The following MAML2 variants were observed in gnomAD, a reference collection of about 807,000 sequenced individuals.
MAML2 encodes mastermind like transcriptional coactivator 2.
In MAML2, 22 loss-of-function variants were observed where a neutral mutation model predicts 96.1. The ratio of observed to expected loss-of-function variants is 0.23; its 90% CI spans 0.16 to 0.33. MAML2 has a LOEUF of 0.33. MAML2 is among the 10% of genes least tolerant of loss of function. The pLI is 1.00. For synonymous variants in MAML2, 561 were observed against 521.3 expected (o/e 1.08, Z -1.04); for missense variants, 1,367 against 1,392.4 (o/e 0.98, Z 0.29).
At chr11:95,981,536 TG>T (rs1169423495) in intron 4 of MAML2, among the ~76,000 whole-genome samples, 1 of 150,600 alleles carries the variant, frequency 6.6e-6, no homozygotes, top group Non-Finnish European at 1.5e-5. Flanking sequence ...GATACGTAGG[TG>T]GTATACATCC....
At chr11:96,298,221 A>G (rs561164703) in intron 1 of MAML2, among the ~76,000 whole-genome samples, 15 of 152,224 alleles carry the variant, frequency 9.9e-5, no homozygotes, top group Non-Finnish European at 2.1e-4. Context: ...GATATCTTCT[A>G]TTGCAAACAG....
Position 96,093,459 on chromosome 11 carries a change from C to A in MAML2, c.572G>T (p.Arg191Leu). 5 of 1,613,894 alleles carry A rather than the reference C, an allele frequency of 3.1e-6. No homozygotes were observed. The highest frequency in any genetic ancestry group is 4.2e-6 in the Non-Finnish European group (5 of 1,179,874). ...TGAGTTGTCCACAAAGCCATTGGGT[C>A]GCTTGCTGTTGGCAGGAGATAGGTT... Reference protein sequence around the residue: ...VVNLSPANSKRPNGFVDNSFL... With the variant: ...VVNLSPANSKLPNGFVDNSFL... Residue 191 changes from arginine to leucine, a missense_variant, in exon 2 of 5, where the codon CGA becomes CTA. Coordinates refer to ENST00000524717, the MANE Select transcript of MAML2 (RefSeq NM_032427.4).
chr11:96,280,115 G>A (rs534386833), intron 1 of MAML2, among the ~76,000 whole-genome samples: 6 of 152,146 alleles, frequency 3.9e-5, no homozygotes, highest in Non-Finnish European at 8.8e-5. Flanking sequence ...TTTATTCCAG[G>A]TGTGAACTGC....
chr11:96,069,270 CTCTT>C (rs1363950795), intron 2 of MAML2, among the ~76,000 whole-genome samples: 2 of 151,332 alleles, frequency 1.3e-5, no homozygotes, highest in Admixed American at 1.3e-4. Context: ...CTCCCTTCCT[CTCTT>C]TCTTTTCTCT....
chr11:96,309,373 T>C (rs1565280032), intron 1 of MAML2, among the ~76,000 whole-genome samples: 1 of 152,240 alleles, frequency 6.6e-6, no homozygotes, highest in Non-Finnish European at 1.5e-5. Context: ...CTCACAATTA[T>C]GAGTAATTCA....
chr11:96,240,415 T>G (rs1862417505), intron 1 of MAML2, among the ~76,000 whole-genome samples: 1 of 150,942 alleles, frequency 6.6e-6, no homozygotes. Flanking sequence ...CCGGGCGCGG[T>G]GGCGGGCGCC....
intron 2 of MAML2, among the ~76,000 whole-genome samples, chr11:96,025,292 G>A (rs1190098316): frequency 6.6e-6 from 1 of 152,144 alleles, no homozygotes; most frequent in Non-Finnish European, 1.5e-5. Flanking sequence ...GTGAATTAAT[G>A]CAGGAACAGA....
chr11:96,077,217 C>CCCTTTTT (rs558743001), intron 2 of MAML2, among the ~76,000 whole-genome samples: 1 of 38,518 alleles, frequency 2.6e-5, no homozygotes, highest in Non-Finnish European at 6.1e-5. Flanking sequence ...AACTCTCTCT[C>CCCTTTTT]TCTTTTTTTT....
intron 2 of MAML2, among the ~76,000 whole-genome samples, chr11:96,068,438 T>TCACACACACACA (rs10522513): frequency 0.091 from 10,934 of 120,184 alleles, 729 homozygotes; most frequent in Non-Finnish European, 0.11. Flanking sequence ...GGAGCTTACT[T>TCACACACACACA]CACACACACA....
intron 2 of MAML2, among the ~76,000 whole-genome samples, chr11:95,993,270 A>G (rs1857941525): frequency 6.6e-6 from 1 of 152,126 alleles, no homozygotes; most frequent in Non-Finnish European, 1.5e-5. Flanking sequence ...ACAAGACATA[A>G]AAACATTAAG....
At chr11:96,334,588 C>T (rs12275834) in intron 1 of MAML2, among the ~76,000 whole-genome samples, 3,930 of 152,156 alleles carry the variant, frequency 0.026, 178 homozygotes, top group African/African-American at 0.086. Flanking sequence ...TATTTCTAAC[C>T]CCACTCACCT....
chr11:96,236,775 GA>G (rs1164524839), intron 1 of MAML2, among the ~76,000 whole-genome samples: 1 of 152,162 alleles, frequency 6.6e-6, no homozygotes, highest in African/African-American at 2.4e-5. Flanking sequence ...CAACCCTACA[GA>G]TAACATTCAG....
chr11:96,283,605 GC>G, intron 1 of MAML2, among the ~76,000 whole-genome samples: 1 of 152,274 alleles, frequency 6.6e-6, no homozygotes, highest in Non-Finnish European at 1.5e-5. Flanking sequence ...TGTATCTGGG[GC>G]CTACAATTTA....
At chr11:96,008,447 A>T (rs1474494017) in intron 2 of MAML2, among the ~76,000 whole-genome samples, 5 of 152,208 alleles carry the variant, frequency 3.3e-5, no homozygotes, top group Admixed American at 2.0e-4. Context: ...TTTTAAAATG[A>T]TATACATTTG....
In MAML2 at chr11:96,341,605, G is replaced by C; in HGVS notation, c.291C>G (p.Ala97=). 1 of 1,551,790 alleles carries C rather than the reference G, an allele frequency of 6.4e-7. No homozygotes were observed. Among genetic ancestry groups the C allele is most frequent in the South Asian group, 1.2e-5 (1 of 84,088 alleles). Residue 97 remains alanine (A), a synonymous_variant, in exon 1 of 5, where the codon GCC becomes GCG. Transcript: ENST00000524717. ...GAGGGGCTGTAGTGGTGGCAGCAGT[G>C]GCGGTGGCCTTGGTGTGTTTGCCAG... ...RKAGKHTKAT[A]TAATTTAPPP... is the part of the protein sequence containing the mutation.
chr11:96,258,742 T>A (rs577517438), intron 1 of MAML2, among the ~76,000 whole-genome samples: 11 of 152,354 alleles, frequency 7.2e-5, no homozygotes, highest in African/African-American at 2.6e-4. Context: ...GAGAGGCCCA[T>A]CTGCCTAGGG....
Position 96,269,363 on chromosome 11 carries a change from G to A in MAML2, c.513+72020C>T, listed in dbSNP as rs1464562517. 2.1e-5 allele frequency among the ~76,000 whole-genome samples: 3 copies of A among 144,770 alleles called. 1 individual carries two copies. The highest frequency in any genetic ancestry group is 5.3e-5 in the African/African-American group (2 of 37,768). 95.0% of individuals were successfully genotyped at this position (144,770 alleles called of 152,430 possible). ...TCTCCATTCAGCCTAAATAGCTATTGTATGTTATGTTCCTGAGAAGGTATT... is the reference window on the plus strand; with the variant it reads ...TCTCCATTCAGCCTAAATAGCTATTATATGTTATGTTCCTGAGAAGGTATT... On this transcript the variant is annotated intron_variant, in intron 1 of 4. Coordinates refer to ENST00000524717, the MANE Select transcript of MAML2 (RefSeq NM_032427.4).
At chr11:96,123,174 C>T (rs1429522256) in intron 1 of MAML2, among the ~76,000 whole-genome samples, 4 of 152,218 alleles carry the variant, frequency 2.6e-5, no homozygotes, top group Non-Finnish European at 5.9e-5. Context: ...CAATCCCCAT[C>T]CTTCCACACC....
At position 96,027,238 on chromosome 11, in the gene MAML2, C is replaced by T. The variant is rs79342969; in HGVS notation, c.2140-35515G>A. Among the ~76,000 whole-genome samples the T allele has an allele frequency of 1.4e-3, 206 of 152,238 alleles. 6 individuals are homozygous for T. In the East Asian group the frequency reaches 0.034, roughly 25 times the overall value. ...TTCATTCATTCATTCATTCATTCAC[C>T]CATTCAGCAAATTTTTATAGAGTGC... On this transcript the variant is annotated intron_variant, in intron 2 of 4. Transcript: ENST00000524717.
Sources: allele counts gnomAD v4.1 joint callset (sites outside exome capture counted in the v4.1 genomes callset), GRCh38; gene constraint gnomAD v4.1.1; transcripts MANE v1.5; gene names NCBI Gene and HGNC (gene_info 2026-07-23, HGNC 2026-07-21).